ORC4: variants seen among roughly 807,000 people sequenced by gnomAD.
ORC4 encodes origin recognition complex, subunit 4 homolog.
Under a neutral mutation model 63.9 loss-of-function variants are expected in ORC4, and 55 were observed. The observed-to-expected ratio is 0.86, with a 90% CI of 0.69 to 1.08. ORC4 has a LOEUF of 1.08. Among genes scored for constraint, ORC4 ranks in the 50% least tolerant of loss-of-function variants. The pLI, the probability that ORC4 is intolerant of heterozygous loss-of-function variation, is 0.00. For missense variants in ORC4, 511 were observed against 504.4 expected (o/e 1.01, Z -0.13); for synonymous variants, 150 against 168.5 (o/e 0.89, Z 0.85).
intron 6 of ORC4, among the ~76,000 whole-genome samples, chr2:147,957,862 T>C (rs1689349960): frequency 6.6e-6 from 1 of 152,144 alleles, no homozygotes; most frequent in South Asian, 2.1e-4. Flanking sequence ...CAAAGGGTTG[T>C]AAGGCATGAC....
intron 1 of ORC4, among the ~76,000 whole-genome samples, chr2:148,019,376 G>C (rs1693528675): frequency 6.6e-6 from 1 of 152,206 alleles, no homozygotes; most frequent in African/African-American, 2.4e-5. Context: ...GATCATTTGA[G>C]GTCAAGAGAT....
chr2:148,010,709 C>T (rs1283928251), intron 1 of ORC4, among the ~76,000 whole-genome samples: 1 of 152,056 alleles, frequency 6.6e-6, no homozygotes, highest in Admixed American at 6.6e-5. Context: ...AAAAGTCCCC[C>T]ATCACAGAAA....
At chr2:148,004,750 C>T (rs1186670674) in intron 1 of ORC4, among the ~76,000 whole-genome samples, 6 of 151,456 alleles carry the variant, frequency 4.0e-5, no homozygotes, top group South Asian at 2.1e-4. Context: ...CAAAAGGATA[C>T]GAACAGACAC....
chr2:147,973,571 A>C, intron 2 of ORC4, 47 bp from the exon 3 acceptor site: 1 of 1,028,922 alleles, frequency 9.7e-7, no homozygotes, highest in Non-Finnish European at 1.5e-6. Flanking sequence ...ATTACACATG[A>C]TATAAAAAAT....
chr2:148,014,927 T>C (rs540384083), intron 1 of ORC4, among the ~76,000 whole-genome samples: 82 of 152,198 alleles, frequency 5.4e-4, no homozygotes, highest in African/African-American at 1.9e-3. Flanking sequence ...GGAGCAACTA[T>C]ACTAGGCCAA....
At chr2:148,021,473 T>A, upstream of ORC4, 1 of 577,854 alleles carries the variant, frequency 1.7e-6, no homozygotes, top group Non-Finnish European at 3.3e-6. Context: ...TTGCTGCTGC[T>A]GCTGCTGTTG....
At chr2:147,995,725 C>T (rs1026631674) in intron 1 of ORC4, among the ~76,000 whole-genome samples, 3 of 152,012 alleles carry the variant, frequency 2.0e-5, no homozygotes, top group South Asian at 2.1e-4. Flanking sequence ...AGCGAGACCA[C>T]GAACCCAATG....
intron 1 of ORC4, among the ~76,000 whole-genome samples, chr2:147,981,151 C>G (rs1690862400): frequency 6.6e-6 from 1 of 152,160 alleles, no homozygotes; most frequent in Non-Finnish European, 1.5e-5. Context: ...CTAATTTATA[C>G]AGTAGTCTCT....
At chr2:147,953,221 CTT>C in intron 7 of ORC4, among the ~76,000 whole-genome samples, 3 of 151,584 alleles carry the variant, frequency 2.0e-5, no homozygotes, top group Middle Eastern at 6.9e-3. Context: ...AGGAGAATCT[CTT>C]GAACTGCGGA....
At chr2:147,958,620 T>C in intron 5 of ORC4, 171 bp downstream of exon 5, 1 of 576,660 alleles carries the variant, frequency 1.7e-6, no homozygotes. Context: ...CTTCTGCGAC[T>C]CCTTCATTAT....
intron 1 of ORC4, among the ~76,000 whole-genome samples, chr2:147,998,247 A>G (rs945737303): frequency 3.9e-5 from 6 of 152,214 alleles, no homozygotes; most frequent in Non-Finnish European, 8.8e-5. Context: ...AATTCTTGAA[A>G]AAGTCTGACC....
At chr2:147,972,204 G>C in intron 4 of ORC4, among the ~76,000 whole-genome samples, 1 of 152,048 alleles carries the variant, frequency 6.6e-6, no homozygotes, top group East Asian at 1.9e-4. Context: ...AGAGCAAAAG[G>C]AGACAAGAAT....
intron 8 of ORC4, 65 bp downstream of exon 8, chr2:147,952,308 G>A: frequency 8.2e-7 from 1 of 1,219,180 alleles, no homozygotes; most frequent in Non-Finnish European, 1.2e-6. Context: ...AACTAGCAGT[G>A]TCAGCAATTA....
intron 4 of ORC4, among the ~76,000 whole-genome samples, chr2:147,971,210 A>G (rs552731171): frequency 2.0e-5 from 3 of 152,244 alleles, no homozygotes; most frequent in Admixed American, 6.5e-5. Context: ...GAAAAGACAT[A>G]GCAACATCCC....
chr2:147,943,870 G>A (rs935495746), intron 9 of ORC4, among the ~76,000 whole-genome samples: 7 of 152,110 alleles, frequency 4.6e-5, no homozygotes, highest in Non-Finnish European at 1.0e-4. Context: ...TGTACCTAGG[G>A]ATACAAGGTA....
Position 147,938,282 on chromosome 2 carries a change from T to A in ORC4, c.1054+16A>T. On this transcript the variant is annotated intron_variant, in intron 12 of 13. Transcript: ENST00000392857. ...TGGGGAAGAGTCAGAAAAAAGCTAC[T>A]TAAGTCTCATCTCACCATTATAGAC... The A allele has an allele frequency of 6.3e-7, 1 of 1,591,898 alleles. No individual in the cohort carries two copies. Among genetic ancestry groups the A allele is most frequent in the Non-Finnish European group, 8.6e-7 (1 of 1,160,154 alleles).
intron 2 of ORC4, among the ~76,000 whole-genome samples, chr2:147,974,842 T>C (rs571964604): frequency 7.2e-6 from 1 of 139,394 alleles, no homozygotes; most frequent in East Asian, 2.1e-4. Flanking sequence ...AAAACCTCAT[T>C]AAAATATCTT....
At chr2:148,004,821 G>T (rs1223692063) in intron 1 of ORC4, among the ~76,000 whole-genome samples, 1 of 152,098 alleles carries the variant, frequency 6.6e-6, no homozygotes, top group Admixed American at 6.5e-5. Context: ...ATCATTACTG[G>T]TCATGACAGA....
intron 9 of ORC4, among the ~76,000 whole-genome samples, chr2:147,945,029 G>C (rs1688581299): frequency 2.0e-5 from 3 of 151,972 alleles, no homozygotes; most frequent in Admixed American, 1.3e-4. Flanking sequence ...AATTTGTTTA[G>C]CTTTTCCAGT....
Sources: allele counts gnomAD v4.1 joint callset (sites outside exome capture counted in the v4.1 genomes callset), GRCh38; gene constraint gnomAD v4.1.1; transcripts MANE v1.5; gene names NCBI Gene and HGNC (gene_info 2026-07-23, HGNC 2026-07-21).